TOP3B: variants seen among roughly 807,000 people sequenced by gnomAD.
The protein encoded by TOP3B is DNA topoisomerase 3-beta-1.
TOP3B carries 45 observed loss-of-function variants against 93.9 expected under a neutral mutation model. That is an observed-to-expected ratio of 0.48 (90% CI 0.38 to 0.61). The LOEUF is 0.61. TOP3B is among the 20% of genes least tolerant of loss of function. The probability of loss-of-function intolerance (pLI) is 0.00; values close to 1 mark genes in which losing one functional copy is unlikely to be tolerated. For synonymous variants in TOP3B, 357 were observed against 472.6 expected (o/e 0.76, Z 3.17); for missense variants, 750 against 1,156.1 (o/e 0.65, Z 5.09).
rs1335921269 is a variant in TOP3B at position 21,967,624 on chromosome 22, T to C, written c.831A>G (p.Thr277=). 2 of 1,614,150 alleles carry C rather than the reference T, an allele frequency of 1.2e-6. No homozygotes were observed. The highest frequency in any genetic ancestry group is 2.2e-5 in the South Asian group (2 of 91,082). The change falls in exon 8 of 18, where the codon ACA becomes ACG. Residue 277 remains threonine (T), a synonymous_variant. Coordinates refer to ENST00000357179, the MANE Select transcript of TOP3B (RefSeq NM_001282112.2). The stretch of plus-strand genomic sequence containing the variant: ...ACACCTGGGCTTCCTTCTCCAGCTT[T>C]GTCATGTTTAAAAACATCTGTGCGA... ...REIAQMFLNM[T]KLEKEAQVEA...
chr22:21,962,789 GC>G lies in TOP3B; in HGVS notation c.1308del (p.Glu438SerfsTer44). 8 of 1,613,652 alleles carry G rather than the reference GC, an allele frequency of 5.0e-6. No individual in the cohort carries two copies. Among genetic ancestry groups the G allele is most frequent in the Non-Finnish European group, 6.8e-6 (8 of 1,179,836 alleles). ...YLQSTISFRI[G>X]PELFTCSGKT... ...TTCCCGGAGCAGGTGAAGAGCTCGGGCCCAATTCTGAAGGAGATGGTGCTCT... is the reference window on the plus strand; with the variant it reads ...TTCCCGGAGCAGGTGAAGAGCTCGGGCCAATTCTGAAGGAGATGGTGCTCT... On this transcript the variant is annotated frameshift_variant, in exon 12 of 18. Coordinates refer to ENST00000357179, the MANE Select transcript of TOP3B (RefSeq NM_001282112.2). LOFTEE classifies it high-confidence loss of function.
Position 21,973,219 on chromosome 22 carries a change from A to C in TOP3B, c.203-501T>G, listed in dbSNP as rs2071717459. The C allele has an allele frequency of 2.8e-5, 5 of 176,242 alleles. No individual in the cohort carries two copies. The South Asian group carries it at 3.1e-4, about 11-fold the overall frequency. The allele number at this position is 176,242 out of a possible 1,614,324, so 10.9% of individuals were successfully genotyped here. A position where few individuals can be genotyped will look rare whatever the true frequency, so the allele number is the denominator to read the frequency against. On this transcript the variant is annotated intron_variant, in intron 3 of 17. Transcript: ENST00000357179. ...AGCCTCATGCCCAGCACATTCACCTACTCATCTACAGAGACCCGGTTCTTG... is the reference window on the plus strand; with the variant it reads ...AGCCTCATGCCCAGCACATTCACCTCCTCATCTACAGAGACCCGGTTCTTG...
chr22:21,959,897 C>T, intron 14 of TOP3B, 161 bp from the exon 15 acceptor site: 2 of 1,006,572 alleles, frequency 2.0e-6, no homozygotes, highest in South Asian at 1.7e-5. Context: ...TGGTACCAGG[C>T]TGGCTCTTAT....
At chr22:21,958,821 G>C in intron 16 of TOP3B, 128 bp from the exon 17 acceptor site, 1 of 1,399,134 alleles carries the variant, frequency 7.1e-7, no homozygotes, top group Non-Finnish European at 9.4e-7. Context: ...GCCAGGCAAG[G>C]AGCATGAGTC....
chr22:21,962,540 G>T lies in TOP3B; in HGVS notation c.1414C>A (p.Arg472=), dbSNP rs116628543. 1 of 1,613,596 alleles carries T rather than the reference G, an allele frequency of 6.2e-7. No homozygotes were observed. Among genetic ancestry groups the T allele is most frequent in the Admixed American group, 1.7e-5 (1 of 60,026 alleles). The change falls in exon 13 of 18, where the codon CGG becomes AGG. Residue 472 remains arginine, a synonymous_variant. Transcript: ENST00000357179. ...PLEESLPTCQ[R]GDAFPVGEVK... is the part of the protein sequence containing the mutation. ...TCGCCCACAGGGAAGGCATCACCCCGCTGGCAAGTGGGCAGGCTCTCCTCC... is the reference window on the plus strand; with the variant it reads ...TCGCCCACAGGGAAGGCATCACCCCTCTGGCAAGTGGGCAGGCTCTCCTCC...
chr22:21,980,032 A>G (rs1321729213), intron 1 of TOP3B, among the ~76,000 whole-genome samples: 1 of 152,088 alleles, frequency 6.6e-6, no homozygotes, highest in Admixed American at 6.5e-5. Context: ...GGTACATACT[A>G]ACGTGGATCA....
chr22:21,962,830 T>G lies in TOP3B; in HGVS notation c.1268A>C (p.Asp423Ala). ...GATGGTGCTCTGCAGGTACTTGCAG[T>G]CATGGCTGACCGTGGCGATGAAGTG... Reference protein sequence around the residue: ...TRHFIATVSHDCKYLQSTISF... With the variant: ...TRHFIATVSHACKYLQSTISF... Residue 423 changes from aspartate to alanine, a missense_variant, in exon 12 of 18, where the codon GAC (aspartate) becomes GCC (alanine). Around this residue, in one of 4 missense-constraint regions of TOP3B, gnomAD observed 737 missense variants for 933.7 expected, o/e 0.79. Transcript: ENST00000357179. 6.2e-7 allele frequency: 1 copy of G among 1,614,072 alleles called. No homozygotes were observed. Among genetic ancestry groups the G allele is most frequent in the Non-Finnish European group, 8.5e-7 (1 of 1,180,008 alleles).
intron 16 of TOP3B, 37 bp downstream of exon 16, chr22:21,959,095 G>C (rs1375130532): frequency 1.2e-6 from 2 of 1,610,534 alleles, no homozygotes; most frequent in African/African-American, 2.7e-5. Flanking sequence ...CTACAGGGGT[G>C]AGGCAGCTTG....
At chr22:21,981,381 A>G (rs1224792850) in intron 1 of TOP3B, among the ~76,000 whole-genome samples, 4 of 152,190 alleles carry the variant, frequency 2.6e-5, no homozygotes. Context: ...GAGCACTCTG[A>G]TGGAACAGCA....
intron 13 of TOP3B, chr22:21,961,093 T>C (rs1270710350): frequency 6.5e-6 from 1 of 153,808 alleles, no homozygotes; most frequent in Non-Finnish European, 1.4e-5. Flanking sequence ...GCTCCCTGCA[T>C]GCTCACCAGC....
chr22:21,963,791 C>T lies in TOP3B; in HGVS notation c.1204+132G>A. The T allele has an allele frequency of 2.3e-6, 2 of 880,818 alleles. No homozygotes were observed. The highest frequency in any genetic ancestry group is 3.5e-6 in the Non-Finnish European group (2 of 571,242). 54.6% of individuals were successfully genotyped at this position (880,818 alleles called of 1,614,324 possible). ...CAATGGAGCTCATCTTCCAGGTGGC[C>T]CCCCATCCCCACAGCCAGGGCAGGC... On this transcript the variant is annotated intron_variant, in intron 11 of 17. Transcript: ENST00000357179. This position sits in a 1 kb window ranked among gnomAD's most constrained non-coding sequence, Gnocchi z 4.8.
chr22:21,977,786 G>A (rs932615896), intron 1 of TOP3B, among the ~76,000 whole-genome samples: 2 of 152,112 alleles, frequency 1.3e-5, no homozygotes, highest in Non-Finnish European at 2.9e-5. Context: ...TCCACTCCTT[G>A]GAATGAACTT....
Position 21,958,373 on chromosome 22 carries a change from T to A in TOP3B, c.2107+119A>T. 2.6e-6 allele frequency: 4 copies of A among 1,551,758 alleles called. No individual in the cohort carries two copies. In the South Asian group the frequency reaches 4.9e-5, roughly 19 times the overall value. On this transcript the variant is annotated intron_variant, in intron 17 of 17. Coordinates refer to ENST00000357179, the MANE Select transcript of TOP3B (RefSeq NM_001282112.2). Reference sequence around the variant, plus strand: ...CCAGGGTCTCTCGTCTCAGTGCCAATGAGTGCAGGAAAGGCCAGGGTGAGG... The same window carrying A: ...CCAGGGTCTCTCGTCTCAGTGCCAAAGAGTGCAGGAAAGGCCAGGGTGAGG...
chr22:21,962,192 C>A, intron 13 of TOP3B: 1 of 1,457,422 alleles, frequency 6.9e-7, no homozygotes, highest in Non-Finnish European at 9.1e-7. Context: ...CCACAGTGCA[C>A]GAGGGCACAT....
intron 1 of TOP3B, among the ~76,000 whole-genome samples, chr22:21,978,895 C>A (rs1419298824): frequency 6.6e-6 from 1 of 151,974 alleles, no homozygotes; most frequent in South Asian, 2.1e-4. Context: ...ACTGCTCTGG[C>A]GAGAAGGAAA....
chr22:21,970,106 T>C lies in TOP3B; in HGVS notation c.581+104A>G, dbSNP rs1421327945. On this transcript the variant is annotated intron_variant, in intron 6 of 17. Transcript: ENST00000357179. This position sits in a 1 kb window ranked among gnomAD's most constrained non-coding sequence, Gnocchi z 4.4. ...TGGTGAAATCCCCTGTTGCTCATCCTGGCTCGAGGAGGCCTAGGGGCCCCG... is the reference window on the plus strand; with the variant it reads ...TGGTGAAATCCCCTGTTGCTCATCCCGGCTCGAGGAGGCCTAGGGGCCCCG... The C allele has an allele frequency of 7.5e-6, 10 of 1,326,032 alleles. No individual in the cohort carries two copies. Among genetic ancestry groups the C allele is most frequent in the Non-Finnish European group, 1.0e-5 (10 of 968,444 alleles). 82.1% of individuals were successfully genotyped at this position (1,326,032 alleles called of 1,614,324 possible).
intron 9 of TOP3B, chr22:21,964,549 G>A (rs998391075): frequency 3.8e-5 from 22 of 573,510 alleles, no homozygotes; most frequent in Non-Finnish European, 5.9e-5. Context: ...ACCCAGGATG[G>A]GCCTGATGGG....
chr22:21,962,717 A>G (rs1386275012), intron 12 of TOP3B, 30 bp downstream of exon 12: 3 of 1,613,362 alleles, frequency 1.9e-6, no homozygotes, highest in Non-Finnish European at 2.5e-6. Flanking sequence ...ATGAAGGCAC[A>G]GAGGAGGAAG....
chr22:21,974,306 C>A, intron 3 of TOP3B, 51 bp downstream of exon 3: 1 of 1,582,758 alleles, frequency 6.3e-7, no homozygotes. Flanking sequence ...TGGACCCTGG[C>A]CAGTGCCATG....
Sources: allele counts gnomAD v4.1 joint callset (sites outside exome capture counted in the v4.1 genomes callset), GRCh38; gene constraint gnomAD v4.1.1; regional missense constraint gnomAD v4.1.1; non-coding constraint Gnocchi (gnomAD v3.1); transcripts MANE v1.5; gene names NCBI Gene and HGNC (gene_info 2026-07-23, HGNC 2026-07-21).